PIK3CD: variants seen among roughly 807,000 people sequenced by gnomAD.
PIK3CD encodes phosphatidylinositol-4,5-bisphosphate 3-kinase catalytic subunit delta, also known as phosphatidylinositol 4,5-bisphosphate 3-kinase catalytic subunit delta isoform.
In PIK3CD, 20 loss-of-function variants were observed where a neutral mutation model predicts 122.9. That is an observed-to-expected ratio of 0.16 (90% CI 0.11 to 0.24). The LOEUF (loss-of-function observed/expected upper bound fraction) is 0.24. Ranked by LOEUF, PIK3CD falls within the 10% of genes least tolerant of loss-of-function variation. PIK3CD has a pLI of 1.00. For synonymous variants in PIK3CD, 596 were observed against 593.4 expected, an observed-to-expected ratio of 1.00 and a Z score of -0.06; for missense variants, 787 against 1,406.3, an observed-to-expected ratio of 0.56 and a Z score of 7.04.
chr1:9,635,212 T>C, the PIK3CD span, among the ~76,000 whole-genome samples: 17 of 150,700 alleles, frequency 1.1e-4, no homozygotes, highest in Middle Eastern at 3.4e-3. Flanking sequence ...AAGGTGGAGG[T>C]TGCAGTAAGC....
chr1:9,717,906 TCCGGGACCG>T lies in PIK3CD; in HGVS notation c.1020+282_1020+290del, dbSNP rs1647793049. On this transcript the variant is annotated intron_variant, in intron 8 of 23. Coordinates refer to ENST00000377346, the MANE Select transcript of PIK3CD (RefSeq NM_005026.5). The surrounding 1 kb of genome is among the most constrained non-coding windows in gnomAD (Gnocchi z 5.4). ...TATGGGGCCAGGTTCAGCCCAGGGA[TCCGGGACCG>T]CAGAGCTGGGGGAAGGGCCGGGCAT... 6.6e-6 allele frequency among the ~76,000 whole-genome samples: 1 copy of T among 152,074 alleles called. No homozygotes were observed. The highest frequency in any genetic ancestry group is 2.4e-5 in the African/African-American group (1 of 41,416).
At position 9,710,046 on chromosome 1, in the gene PIK3CD, C is replaced by T. The variant is rs766853406; in HGVS notation, c.-32-378C>T. On this transcript the variant is annotated intron_variant, in intron 2 of 23. Coordinates refer to ENST00000377346, the MANE Select transcript of PIK3CD (RefSeq NM_005026.5). The surrounding 1 kb of genome is among the most constrained non-coding windows in gnomAD (Gnocchi z 4.7). ...ATGTATTTCAAAGAACTGCAGCCTT[C>T]GGCCTCTCAGGTCTCAGGGCACCTG... Among the ~76,000 whole-genome samples the T allele has an allele frequency of 1.7e-4, 26 of 152,042 alleles. No individual in the cohort carries two copies. Among genetic ancestry groups the T allele is most frequent in the Non-Finnish European group, 2.9e-4 (20 of 67,978 alleles).
intron 1 of PIK3CD, among the ~76,000 whole-genome samples, chr1:9,683,373 G>T (rs1327087117): frequency 6.6e-6 from 1 of 151,364 alleles, no homozygotes. Flanking sequence ...GGGAGGCAGA[G>T]CTTGGAGTGA....
At chr1:9,703,876 G>A (rs1646740014) in intron 2 of PIK3CD, among the ~76,000 whole-genome samples, 1 of 152,312 alleles carries the variant, frequency 6.6e-6, no homozygotes, top group South Asian at 2.1e-4. Flanking sequence ...TCTGGGGTGT[G>A]TACTTTGGAG....
At chr1:9,681,331 G>A (rs1159959733) in intron 1 of PIK3CD, among the ~76,000 whole-genome samples, 1 of 151,750 alleles carries the variant, frequency 6.6e-6, no homozygotes, top group East Asian at 1.9e-4. Context: ...TCCAGCTCCT[G>A]GGCTCAAGCA....
At chr1:9,649,810 C>T (rs1398980531), upstream of PIK3CD, among the ~76,000 whole-genome samples, 3 of 152,190 alleles carry the variant, frequency 2.0e-5, no homozygotes, top group Non-Finnish European at 2.9e-5. Context: ...CCACCACCCC[C>T]ATACTCTTGG....
At chr1:9,672,393 C>T (rs775787172) in intron 1 of PIK3CD, 1 of 152,024 alleles carries the variant, frequency 6.6e-6, no homozygotes, top group African/African-American at 2.4e-5. Flanking sequence ...GATGATGAAC[C>T]ATTAGACACA....
At chr1:9,631,916 C>T in the PIK3CD span, among the ~76,000 whole-genome samples, 1 of 152,198 alleles carries the variant, frequency 6.6e-6, no homozygotes, top group Non-Finnish European at 1.5e-5. Flanking sequence ...ACTGTTGCAT[C>T]CAGGGCTCTA....
At chr1:9,658,584 C>T (rs1261951541) in intron 1 of PIK3CD, among the ~76,000 whole-genome samples, 2 of 133,194 alleles carry the variant, frequency 1.5e-5, no homozygotes, top group Admixed American at 1.8e-4. Context: ...GGCTGGAGTG[C>T]AGTGGTGGGA....
rs543673711 is a variant in PIK3CD at position 9,689,411 on chromosome 1, G to A, written c.-137-2056G>A. Among the ~76,000 whole-genome samples the A allele has an allele frequency of 2.5e-4, 38 of 151,492 alleles. 1 individual carries two copies. In the East Asian group the frequency reaches 4.3e-3, roughly 17 times the overall value. ...GTGAGCTCGGGCGCTTCTCCCGGCTGGGGGTGTGAGAATTTGCCGACGGTG... is the reference window on the plus strand; with the variant it reads ...GTGAGCTCGGGCGCTTCTCCCGGCTAGGGGTGTGAGAATTTGCCGACGGTG... On this transcript the variant is annotated intron_variant, in intron 1 of 23. Transcript: ENST00000377346. The surrounding 1 kb of genome is among the most constrained non-coding windows in gnomAD (Gnocchi z 6.1).
chr1:9,655,560 T>G (rs1026882066), intron 1 of PIK3CD, among the ~76,000 whole-genome samples: 27 of 148,776 alleles, frequency 1.8e-4, no homozygotes, highest in Non-Finnish European at 1.2e-4. Flanking sequence ...CCTGTGAAAG[T>G]TCCCCTTCCA....
intron 1 of PIK3CD, among the ~76,000 whole-genome samples, chr1:9,671,939 T>C (rs1645342003): frequency 6.6e-6 from 1 of 152,206 alleles, no homozygotes. Context: ...TCAGGTGACC[T>C]TGGCCACAGC....
At chr1:9,656,689 T>A (rs1644863990) in intron 1 of PIK3CD, among the ~76,000 whole-genome samples, 1 of 152,106 alleles carries the variant, frequency 6.6e-6, no homozygotes, top group South Asian at 2.1e-4. Flanking sequence ...ACGCCTGTAA[T>A]CCCAGCACTT....
chr1:9,692,603 A>G (rs1284302164), intron 2 of PIK3CD, among the ~76,000 whole-genome samples: 4 of 151,962 alleles, frequency 2.6e-5, no homozygotes, highest in African/African-American at 4.8e-5. Context: ...AGTGGTGGGC[A>G]CCTGTAATCC....
rs148849256 is a variant in PIK3CD at position 9,655,301 on chromosome 1, C to T, written c.-138+3499C>T. 2.0e-3 allele frequency among the ~76,000 whole-genome samples: 307 copies of T among 152,116 alleles called. 2 individuals are homozygous for T. Among genetic ancestry groups the T allele is most frequent in the African/African-American group, 6.7e-3 (277 of 41,500 alleles). The stretch of plus-strand genomic sequence containing the variant: ...ACCGGTGACAGTGTTTCATAAATAG[C>T]GAAGGTGGCAAAACGCCACCTCTCT... On this transcript the variant is annotated intron_variant, in intron 1 of 23. Transcript: ENST00000377346.
chr1:9,719,660 CAAA>C lies in PIK3CD; in HGVS notation c.1243-249_1243-247del, dbSNP rs34093717. Among the ~76,000 whole-genome samples the C allele has an allele frequency of 5.5e-5, 7 of 126,862 alleles. No homozygotes were observed. The highest frequency in any genetic ancestry group is 9.7e-5 in the Non-Finnish European group (6 of 61,650). 83.2% of individuals were successfully genotyped at this position (126,862 alleles called of 152,430 possible). On this transcript the variant is annotated intron_variant, in intron 9 of 23. Coordinates refer to ENST00000377346, the MANE Select transcript of PIK3CD (RefSeq NM_005026.5). The surrounding 1 kb of genome is among the most constrained non-coding windows in gnomAD (Gnocchi z 5.5). ...TGGGTGACAGAGCAAGACTCCGTCT[CAAA>C]AAAAAAAAAAAGCCTGAGTAGGGGT...
chr1:9,705,683 A>C (rs1306985445), intron 2 of PIK3CD, among the ~76,000 whole-genome samples: 1 of 152,266 alleles, frequency 6.6e-6, no homozygotes, highest in African/African-American at 2.4e-5. Context: ...CCCCACAGGA[A>C]AATGGGCAAA....
Position 9,719,923 on chromosome 1 carries a change from C to T in PIK3CD, c.1245C>T (p.Asp415=). 1.2e-6 allele frequency: 2 copies of T among 1,613,286 alleles called. No individual in the cohort carries two copies. Among genetic ancestry groups the T allele is most frequent in the Non-Finnish European group, 1.7e-6 (2 of 1,179,654 alleles). Residue 415 remains aspartate (D), a splice_region_variant and synonymous_variant, in exon 10 of 24, where the codon GAC becomes GAT. Transcript: ENST00000377346. The surrounding 1 kb of genome is among the most constrained non-coding windows in gnomAD (Gnocchi z 5.5). ...TCACCTGCCCTGTCCTTCTGCAGGACTGCCCCATTGCCTGGGCCAACCTCA... is the reference window on the plus strand; with the variant it reads ...TCACCTGCCCTGTCCTTCTGCAGGATTGCCCCATTGCCTGGGCCAACCTCA... ...RSTKKKSKKA[D]CPIAWANLML...
upstream of PIK3CD, among the ~76,000 whole-genome samples, chr1:9,649,153 T>C (rs112666509): frequency 6.6e-6 from 1 of 151,338 alleles, no homozygotes; most frequent in Non-Finnish European, 1.5e-5. Context: ...ACTGGAACAA[T>C]TGAGCAAGCC....
Sources: allele counts gnomAD v4.1 joint callset (sites outside exome capture counted in the v4.1 genomes callset), GRCh38; gene constraint gnomAD v4.1.1; non-coding constraint Gnocchi (gnomAD v3.1); transcripts MANE v1.5; gene names NCBI Gene and HGNC (gene_info 2026-07-23, HGNC 2026-07-21).